Variants in PDCD1LG2 observed in about 807,000 individuals in gnomAD.
PDCD1LG2 encodes the protein B7 dendritic cell molecule.
A neutral mutation model predicts 28.2 loss-of-function variants in PDCD1LG2; 32 were observed. The observed-to-expected ratio is 1.13, with a 90% CI of 0.86 to 1.52. The LOEUF (loss-of-function observed/expected upper bound fraction) is 1.52, where lower values mean the gene tolerates loss of function less well. Among genes scored for constraint, PDCD1LG2 ranks in the 40% most tolerant of loss-of-function variants. The probability of loss-of-function intolerance (pLI) is 0.00; values close to 1 mark genes in which losing one functional copy is unlikely to be tolerated. For missense variants in PDCD1LG2, 385 were observed against 323.8 expected (o/e 1.19, Z -1.45); for synonymous variants, 116 against 120.2 (o/e 0.97, Z 0.23).
At chr9:5,520,359 A>T (rs1210724766) in intron 1 of PDCD1LG2, among the ~76,000 whole-genome samples, 1 of 152,224 alleles carries the variant, frequency 6.6e-6, no homozygotes, top group Admixed American at 6.5e-5. Flanking sequence ...TTCCTCAACA[A>T]ATTGTACAGG....
rs545868304 is a variant in PDCD1LG2, at chr9:5,569,871, G to C, written c.817-83G>C. ...TAGATGAACTTTTTTAAAAAAATTAGTTCCTCACTCAAATTTTGGGGAGGT... is the reference window on the plus strand; with the variant it reads ...TAGATGAACTTTTTTAAAAAAATTACTTCCTCACTCAAATTTTGGGGAGGT... On this transcript the variant is annotated intron_variant, in intron 6 of 6. Coordinates refer to ENST00000397747, the MANE Select transcript of PDCD1LG2 (RefSeq NM_025239.4). The surrounding 1 kb of genome is among the most constrained non-coding windows in gnomAD (Gnocchi z 4.1). 39 of 1,395,384 alleles carry C rather than the reference G, an allele frequency of 2.8e-5. No homozygotes were observed. Among genetic ancestry groups the C allele is most frequent in the East Asian group, 2.1e-4 (9 of 43,662 alleles). The allele number at this position is 1,395,384 out of a possible 1,614,324, so 86.4% of individuals were successfully genotyped here.
intron 4 of PDCD1LG2, among the ~76,000 whole-genome samples, chr9:5,554,999 GC>G (rs1488435613): frequency 6.8e-6 from 1 of 146,736 alleles, no homozygotes; most frequent in African/African-American, 2.6e-5. Flanking sequence ...CAGAAAGTGT[GC>G]AAACAGTAAA....
At chr9:5,547,372 C>T (rs1317579740) in intron 3 of PDCD1LG2, among the ~76,000 whole-genome samples, 3 of 152,138 alleles carry the variant, frequency 2.0e-5, no homozygotes, top group Non-Finnish European at 4.4e-5. Flanking sequence ...TCCCCTCTTC[C>T]TCTCACCAAA....
At chr9:5,560,921 G>T (rs1360247757) in intron 5 of PDCD1LG2, among the ~76,000 whole-genome samples, 1 of 152,138 alleles carries the variant, frequency 6.6e-6, no homozygotes, top group East Asian at 1.9e-4. Flanking sequence ...AGGGTGACCT[G>T]CTGGGCTCTA....
chr9:5,528,977 C>A (rs1231883164), intron 2 of PDCD1LG2, among the ~76,000 whole-genome samples: 1 of 152,216 alleles, frequency 6.6e-6, no homozygotes, highest in African/African-American at 2.4e-5. Flanking sequence ...GGCCCACCCA[C>A]CTTGGCCTCC....
chr9:5,560,777 C>A lies in PDCD1LG2; in HGVS notation c.767-2385C>A, dbSNP rs370621367. ...TCCAGATGGCTTCTTAGCTCCTGAA[C>A]AGATTTACCCACCTATACCTCAGTG... On this transcript the variant is annotated intron_variant, in intron 5 of 6. Transcript: ENST00000397747. 9.5e-4 allele frequency among the ~76,000 whole-genome samples: 144 copies of A among 152,268 alleles called. 2 individuals are homozygous for A. The South Asian group carries it at 0.029, about 31-fold the overall frequency.
intron 3 of PDCD1LG2, among the ~76,000 whole-genome samples, chr9:5,538,156 TGAATA>T (rs969105432): frequency 3.9e-5 from 6 of 152,186 alleles, no homozygotes; most frequent in Non-Finnish European, 7.3e-5. Flanking sequence ...TAGAAGGAAT[TGAATA>T]GATTAGGTTC....
chr9:5,531,785 C>G (rs1006734226), intron 2 of PDCD1LG2, among the ~76,000 whole-genome samples: 2 of 152,196 alleles, frequency 1.3e-5, no homozygotes, highest in Non-Finnish European at 2.9e-5. Flanking sequence ...CAGCAACTAA[C>G]CTTCCTTGTA....
chr9:5,521,246 G>A (rs1820267999), intron 1 of PDCD1LG2, among the ~76,000 whole-genome samples: 1 of 152,072 alleles, frequency 6.6e-6, no homozygotes, highest in African/African-American at 2.4e-5. Flanking sequence ...TCTGCTAATG[G>A]GTAAGGGGTT....
chr9:5,549,324 C>G lies in PDCD1LG2; in HGVS notation c.362-11C>G, dbSNP rs1440541407. ...ATAAAGTCTTATTTCTTTTTCTTCT[C>G]TATTGTCCAGCTTCCTACAGGAAAA... On this transcript the variant is annotated splice_polypyrimidine_tract_variant and intron_variant, in intron 3 of 6. Transcript: ENST00000397747. The G allele has an allele frequency of 1.9e-6, 3 of 1,603,296 alleles. No homozygotes were observed. Among genetic ancestry groups the G allele is most frequent in the Non-Finnish European group, 2.6e-6 (3 of 1,172,568 alleles).
At chr9:5,552,449 G>A (rs988950228) in intron 4 of PDCD1LG2, among the ~76,000 whole-genome samples, 6 of 152,136 alleles carry the variant, frequency 3.9e-5, no homozygotes, top group East Asian at 3.8e-4. Flanking sequence ...ACTTCTATAC[G>A]TGAGTCATTA....
intron 4 of PDCD1LG2, among the ~76,000 whole-genome samples, chr9:5,555,797 ACT>A (rs1347223690): frequency 2.0e-5 from 3 of 152,132 alleles, no homozygotes; most frequent in African/African-American, 7.2e-5. Flanking sequence ...TTGAAAACTC[ACT>A]CTCTTAGCCT....
chr9:5,522,056 C>A (rs1453213230), intron 1 of PDCD1LG2, among the ~76,000 whole-genome samples: 1 of 152,166 alleles, frequency 6.6e-6, no homozygotes, highest in African/African-American at 2.4e-5. Context: ...CTACTTTGCT[C>A]AGTCAACTAG....
chr9:5,517,877 GGA>G (rs1211570336), intron 1 of PDCD1LG2, among the ~76,000 whole-genome samples: 2 of 152,204 alleles, frequency 1.3e-5, no homozygotes, highest in African/African-American at 4.8e-5. Context: ...AGTGGAGGAT[GGA>G]GCAGAGGAAG....
chr9:5,562,980 CTT>C (rs1327757870), intron 5 of PDCD1LG2, among the ~76,000 whole-genome samples, 180 bp from the exon 6 acceptor site: 2 of 152,244 alleles, frequency 1.3e-5, no homozygotes, highest in Non-Finnish European at 2.9e-5. Flanking sequence ...TGTTCACACT[CTT>C]TGCCTAGGGG....
In PDCD1LG2 at chr9:5,555,676, G is replaced by T. The variant is rs139898603; in HGVS notation, c.632-1942G>T. ...CATCTGTTGCTCTGCCATTCTCCAG[G>T]ATGTTGTCCCTATAAAATTGTCAAA... is the stretch of plus-strand genomic sequence containing the variant. On this transcript the variant is annotated intron_variant, in intron 4 of 6. Coordinates refer to ENST00000397747, the MANE Select transcript of PDCD1LG2 (RefSeq NM_025239.4). Among the ~76,000 whole-genome samples the T allele has an allele frequency of 2.3e-4, 35 of 152,272 alleles. No homozygotes were observed. The East Asian group carries it at 6.6e-3, about 29-fold the overall frequency.
intron 6 of PDCD1LG2, among the ~76,000 whole-genome samples, chr9:5,568,435 T>A (rs1052342590): frequency 6.6e-6 from 1 of 152,118 alleles, no homozygotes; most frequent in African/African-American, 2.4e-5. Context: ...GTGCTCCTTA[T>A]GAAAATCTAA....
intron 2 of PDCD1LG2, among the ~76,000 whole-genome samples, chr9:5,525,713 T>C (rs912109350): frequency 1.3e-5 from 2 of 151,970 alleles, no homozygotes; most frequent in African/African-American, 4.8e-5. Flanking sequence ...TAAATAAATA[T>C]ATTGCTTAAG....
At chr9:5,541,361 A>G (rs1188132186) in intron 3 of PDCD1LG2, among the ~76,000 whole-genome samples, 1 of 152,168 alleles carries the variant, frequency 6.6e-6, no homozygotes, top group East Asian at 1.9e-4. Context: ...TGGCCAGAGC[A>G]CTCAAAGAGA....
Sources: allele counts gnomAD v4.1 joint callset (sites outside exome capture counted in the v4.1 genomes callset), GRCh38; gene constraint gnomAD v4.1.1; non-coding constraint Gnocchi (gnomAD v3.1); transcripts MANE v1.5; gene names NCBI Gene and HGNC (gene_info 2026-07-23, HGNC 2026-07-21).